Variants in TCERG1L observed in about 807,000 individuals in gnomAD.
The protein encoded by TCERG1L is transcription elongation regulator 1 like, also known as transcription elongation regulator 1-like protein.
Under a neutral mutation model 56.3 loss-of-function variants are expected in TCERG1L, and 37 were observed. The ratio of observed to expected loss-of-function variants is 0.66; its 90% CI spans 0.51 to 0.87. The LOEUF (loss-of-function observed/expected upper bound fraction) is 0.87, where lower values mean the gene tolerates loss of function less well. TCERG1L is among the 40% of genes least tolerant of loss of function. TCERG1L has a pLI of 0.00. For missense variants in TCERG1L, 799 were observed against 774.2 expected (o/e 1.03, Z -0.38); for synonymous variants, 324 against 326.3 (o/e 0.99, Z 0.08).
intron 4 of TCERG1L, among the ~76,000 whole-genome samples, chr10:131,178,306 G>A (rs1054900224): frequency 5.3e-5 from 8 of 152,324 alleles, no homozygotes; most frequent in South Asian, 2.1e-4. Flanking sequence ...CGACTAGCGC[G>A]GGGCCCTGGA....
chr10:131,247,247 C>T (rs1298829313), intron 4 of TCERG1L, among the ~76,000 whole-genome samples: 1 of 152,220 alleles, frequency 6.6e-6, no homozygotes, highest in East Asian at 1.9e-4. Context: ...GCTGGGCAGA[C>T]ACAAAGTGGC....
At position 131,092,987 on chromosome 10, in the gene TCERG1L, G is replaced by C. The variant is rs1036261581; in HGVS notation, c.*175C>G. ...TGCATCAAACTCTGAATGTACAAAA[G>C]AGAGAGCTTCAATATGAAACAGTAA... On this transcript the variant is annotated 3_prime_UTR_variant, in exon 12 of 12. Transcript: ENST00000368642. 3 of 588,476 alleles carry C rather than the reference G, an allele frequency of 5.1e-6. No homozygotes were observed. Among genetic ancestry groups the C allele is most frequent in the Non-Finnish European group, 8.8e-6 (3 of 341,446 alleles). The allele number at this position is 588,476 out of a possible 1,614,324, so 36.5% of individuals were successfully genotyped here. A position where few individuals can be genotyped will look rare whatever the true frequency, so the allele number is the denominator to read the frequency against.
At chr10:131,227,888 G>T (rs1845810143) in intron 4 of TCERG1L, among the ~76,000 whole-genome samples, 1 of 152,084 alleles carries the variant, frequency 6.6e-6, no homozygotes, top group South Asian at 2.1e-4. Flanking sequence ...CTATCTTCCG[G>T]GTCAATATTC....
At chr10:131,096,148 T>C (rs1225764514) in intron 11 of TCERG1L, among the ~76,000 whole-genome samples, 1 of 152,126 alleles carries the variant, frequency 6.6e-6, no homozygotes, top group Non-Finnish European at 1.5e-5. Context: ...CATCCTCCCA[T>C]TTGGAGGAGG....
intron 3 of TCERG1L, among the ~76,000 whole-genome samples, chr10:131,290,854 A>G (rs1426695690): frequency 6.6e-6 from 1 of 152,154 alleles, no homozygotes; most frequent in African/African-American, 2.4e-5. Flanking sequence ...TCATACACAC[A>G]TGCTCCTTCT....
intron 4 of TCERG1L, among the ~76,000 whole-genome samples, chr10:131,243,565 C>T (rs1845996349): frequency 6.6e-6 from 1 of 152,192 alleles, no homozygotes; most frequent in African/African-American, 2.4e-5. Context: ...GAGTGAGACT[C>T]TGTCTCAAAA....
chr10:131,200,022 C>T lies in TCERG1L; in HGVS notation c.857-33137G>A, dbSNP rs149236114. 3.4e-3 allele frequency among the ~76,000 whole-genome samples: 515 copies of T among 152,276 alleles called. 5 individuals carry two copies. The highest frequency in any genetic ancestry group is 0.012 in the African/African-American group (494 of 41,558). ...CTGAAGCCTCCTCTGAATGGCCCTT[C>T]CCATCTATATCACTACTTTTCCCGA... is the stretch of plus-strand genomic sequence containing the variant. On this transcript the variant is annotated intron_variant, in intron 4 of 11. Coordinates refer to ENST00000368642, the MANE Select transcript of TCERG1L (RefSeq NM_174937.4).
rs536656381 is a variant in TCERG1L at position 131,174,522 on chromosome 10, G to A, written c.857-7637C>T. Among the ~76,000 whole-genome samples, 33 of 152,244 alleles carry A rather than the reference G, an allele frequency of 2.2e-4. No homozygotes were observed. The South Asian group carries it at 2.7e-3, about 12-fold the overall frequency. On this transcript the variant is annotated intron_variant, in intron 4 of 11. Transcript: ENST00000368642. The stretch of plus-strand genomic sequence containing the variant: ...AGGGCCCACCGCTGCAGCTCCGCCC[G>A]CCTCTCCCTCTCACCCGCCCGTTCC...
intron 4 of TCERG1L, among the ~76,000 whole-genome samples, chr10:131,240,044 T>A (rs1845953963): frequency 6.6e-6 from 1 of 152,130 alleles, no homozygotes. Context: ...GAAGCCCTTC[T>A]CCCTGGACCC....
Position 131,311,619 on chromosome 10 carries a change from C to T in TCERG1L, c.17G>A (p.Arg6Lys). 8.8e-7 allele frequency: 1 copy of T among 1,138,234 alleles called. No individual in the cohort carries two copies. Among genetic ancestry groups the T allele is most frequent in the African/African-American group, 1.7e-5 (1 of 60,576 alleles). 70.5% of individuals were successfully genotyped at this position (1,138,234 alleles called of 1,614,324 possible). A position where few individuals can be genotyped will look rare whatever the true frequency, so the allele number is the denominator to read the frequency against. MQAGA[R>K]FQRRRRQLQQ... is the part of the protein sequence containing the mutation. ...CAGCTGCCGCCGCCGCCGCTGGAAC[C>T]TGGCGCCCGCCTGCATCCTACATCC... Residue 6 changes from arginine (R) to lysine (K), a missense_variant, in exon 1 of 12, where the codon AGG becomes AAG. Transcript: ENST00000368642. This position sits in a 1 kb window ranked among gnomAD's most constrained non-coding sequence, Gnocchi z 4.0.
intron 4 of TCERG1L, among the ~76,000 whole-genome samples, chr10:131,256,229 G>A (rs971587505): frequency 1.3e-4 from 20 of 152,178 alleles, no homozygotes; most frequent in Admixed American, 3.9e-4. Context: ...TATAGAACCT[G>A]CTTCAGCATC....
intron 11 of TCERG1L, among the ~76,000 whole-genome samples, chr10:131,094,861 A>G (rs1845224919): frequency 1.3e-5 from 2 of 152,166 alleles, no homozygotes; most frequent in South Asian, 4.1e-4. Context: ...TCCCCTGGCT[A>G]GACAGGCATC....
rs551355309 is a variant in TCERG1L, at chr10:131,112,348, G to GCCCCAACCTA, written c.1395+4441_1395+4450dup. ...CACCCGGCCCCTCCTGGGCCCAGAT[G>GCCCCAACCTA]CCCCAACCTACCCCCAGCGGGCTCC... On this transcript the variant is annotated intron_variant, in intron 9 of 11. Coordinates refer to ENST00000368642, the MANE Select transcript of TCERG1L (RefSeq NM_174937.4). 2.1e-5 allele frequency among the ~76,000 whole-genome samples: 3 copies of GCCCCAACCTA among 142,696 alleles called. No homozygotes were observed. The East Asian group carries it at 7.1e-4, about 34-fold the overall frequency. The allele number at this position is 142,696 out of a possible 152,430, so 93.6% of individuals were successfully genotyped here.
At chr10:131,213,694 C>G (rs891105177) in intron 4 of TCERG1L, among the ~76,000 whole-genome samples, 5 of 152,222 alleles carry the variant, frequency 3.3e-5, no homozygotes, top group Admixed American at 1.3e-4. Flanking sequence ...TCAGCAGGCA[C>G]AAGGAGGGCC....
chr10:131,172,225 G>A (rs928257575), intron 4 of TCERG1L, among the ~76,000 whole-genome samples: 11 of 152,018 alleles, frequency 7.2e-5, no homozygotes, highest in Admixed American at 5.9e-4. Flanking sequence ...TTTCCTGCCC[G>A]GGGAGGAGGG....
At chr10:131,300,851 AC>A (rs1005111868) in intron 3 of TCERG1L, among the ~76,000 whole-genome samples, 7 of 151,000 alleles carry the variant, frequency 4.6e-5, no homozygotes, top group Admixed American at 1.3e-4. Context: ...GAATGGGCAC[AC>A]CCCTTCTTAT....
At chr10:131,286,002 C>T (rs957202813) in intron 3 of TCERG1L, among the ~76,000 whole-genome samples, 3 of 152,200 alleles carry the variant, frequency 2.0e-5, no homozygotes, top group Non-Finnish European at 4.4e-5. Context: ...TACCACATCA[C>T]ACACTGTACT....
At chr10:131,176,024 G>A (rs1445242453) in intron 4 of TCERG1L, among the ~76,000 whole-genome samples, 2 of 152,194 alleles carry the variant, frequency 1.3e-5, no homozygotes, top group African/African-American at 4.8e-5. Flanking sequence ...AAGGCAGTGC[G>A]AAAAATACAG....
At chr10:131,242,571 A>T (rs534734757) in intron 4 of TCERG1L, among the ~76,000 whole-genome samples, 3 of 152,318 alleles carry the variant, frequency 2.0e-5, no homozygotes, top group African/African-American at 7.2e-5. Context: ...AAACCTACAC[A>T]GTGAGTATCC....
Sources: allele counts gnomAD v4.1 joint callset (sites outside exome capture counted in the v4.1 genomes callset), GRCh38; gene constraint gnomAD v4.1.1; non-coding constraint Gnocchi (gnomAD v3.1); transcripts MANE v1.5; gene names NCBI Gene and HGNC (gene_info 2026-07-23, HGNC 2026-07-21).